Variants in SNTG2 observed in about 807,000 individuals in gnomAD.
The protein encoded by SNTG2 is gamma-2-syntrophin.
Under a neutral mutation model 70.9 loss-of-function variants are expected in SNTG2, and 74 were observed. The ratio of observed to expected loss-of-function variants is 1.04; its 90% confidence interval spans 0.86 to 1.27. The LOEUF (loss-of-function observed/expected upper bound fraction) is 1.27. Ranked by LOEUF, SNTG2 falls within the 50% of genes most tolerant of loss-of-function variation. The pLI is 0.00. For missense variants in SNTG2, 717 were observed against 690.7 expected (o/e 1.04, Z -0.43); for synonymous variants, 278 against 273.8 (o/e 1.02, Z -0.15).
At chr2:1,086,996 A>G (rs1440861009) in intron 2 of SNTG2, among the ~76,000 whole-genome samples, 2 of 152,274 alleles carry the variant, frequency 1.3e-5, no homozygotes, top group Non-Finnish European at 2.9e-5. Flanking sequence ...GCTGGGAAAC[A>G]TGGAGGGAAA....
At chr2:953,732 T>G (rs1660054871) in intron 1 of SNTG2, among the ~76,000 whole-genome samples, 2 of 152,224 alleles carry the variant, frequency 1.3e-5, no homozygotes, top group Non-Finnish European at 2.9e-5. Context: ...CAGTAAATAT[T>G]TGAATGAGGT....
chr2:1,050,324 C>G (rs1208482731), intron 1 of SNTG2, among the ~76,000 whole-genome samples: 1 of 152,070 alleles, frequency 6.6e-6, no homozygotes, highest in South Asian at 2.1e-4. Flanking sequence ...TATTGATTTA[C>G]CTTTTAAATT....
chr2:1,229,862 C>G (rs191268641), intron 9 of SNTG2, among the ~76,000 whole-genome samples: 1,942 of 152,326 alleles, frequency 0.013, 47 homozygotes, highest in African/African-American at 0.044. Context: ...CCTTATTGCC[C>G]GAGGCCGGCA....
intron 7 of SNTG2, among the ~76,000 whole-genome samples, chr2:1,169,828 C>T (rs1671005744): frequency 6.6e-6 from 1 of 152,184 alleles, no homozygotes; most frequent in Non-Finnish European, 1.5e-5. Context: ...GGGTGCAGAT[C>T]ACAGAGGCCA....
intron 6 of SNTG2, among the ~76,000 whole-genome samples, chr2:1,149,672 GTTTTTTTTTTTTTTTT>G (rs1221169268): frequency 6.8e-6 from 1 of 146,474 alleles, no homozygotes; most frequent in African/African-American, 2.6e-5. Context: ...GTTGATTAGC[GTTTTTTTTTTTTTTTT>G]TTTTTTTTTT....
chr2:1,114,237 GT>G (rs1223654470), intron 4 of SNTG2, among the ~76,000 whole-genome samples: 2 of 151,692 alleles, frequency 1.3e-5, no homozygotes, highest in Non-Finnish European at 2.9e-5. Context: ...ACTAAGTGAG[GT>G]TTAACCCTTA....
At chr2:1,288,860 C>A (rs1397606090) in intron 14 of SNTG2, among the ~76,000 whole-genome samples, 1 of 152,152 alleles carries the variant, frequency 6.6e-6, no homozygotes, top group Non-Finnish European at 1.5e-5. Flanking sequence ...CACACACATG[C>A]AGCCTTTCCC....
At chr2:1,080,606 CATGTGTGTTGCATGT>C (rs1336699048) in intron 1 of SNTG2, among the ~76,000 whole-genome samples, 22 of 145,734 alleles carry the variant, frequency 1.5e-4, no homozygotes, top group Non-Finnish European at 3.0e-5. Context: ...GCATGTAGGC[CATGTGTGTTGCATGT>C]GTGTGTGTGT....
intron 7 of SNTG2, among the ~76,000 whole-genome samples, chr2:1,171,457 G>A (rs997939177): frequency 2.0e-5 from 3 of 152,142 alleles, no homozygotes; most frequent in South Asian, 2.1e-4. Context: ...AGGTGATTAC[G>A]GGTATAAAAT....
In SNTG2 at chr2:1,130,040, C is replaced by T. The variant is rs371740467; in HGVS notation, c.326-7582C>T. Among the ~76,000 whole-genome samples the T allele has an allele frequency of 2.7e-4, 41 of 152,310 alleles. 1 individual carries two copies. The highest frequency in any genetic ancestry group is 9.6e-4 in the African/African-American group (40 of 41,588). ...ACAATAAGAGTTACAGGCAAAAGAACTCATTCATCTTACATTCTTGGCCAA... is the reference window on the plus strand; with the variant it reads ...ACAATAAGAGTTACAGGCAAAAGAATTCATTCATCTTACATTCTTGGCCAA... On this transcript the variant is annotated intron_variant, in intron 4 of 16. Transcript: ENST00000308624.
chr2:1,204,148 G>A (rs184370592), intron 8 of SNTG2, among the ~76,000 whole-genome samples: 2 of 152,260 alleles, frequency 1.3e-5, no homozygotes, highest in East Asian at 1.9e-4. Flanking sequence ...GCCTGCAAAC[G>A]GGCACAGAGG....
At chr2:1,071,236 G>C (rs1045829436) in intron 1 of SNTG2, among the ~76,000 whole-genome samples, 16 of 151,402 alleles carry the variant, frequency 1.1e-4, no homozygotes, top group African/African-American at 3.9e-4. Context: ...CAATAGCAAA[G>C]ACTTGGAACC....
intron 8 of SNTG2, among the ~76,000 whole-genome samples, chr2:1,181,275 G>A (rs28503903): frequency 0.32 from 47,919 of 151,994 alleles, 8,137 homozygotes; most frequent in East Asian, 0.66. Context: ...TGTGTTTTAT[G>A]GTACCTAGCA....
At chr2:1,358,430 TC>T (rs1234248100) in intron 16 of SNTG2, among the ~76,000 whole-genome samples, 3 of 152,134 alleles carry the variant, frequency 2.0e-5, no homozygotes, top group Non-Finnish European at 4.4e-5. Flanking sequence ...TTATCTAGTT[TC>T]TTAAGGCATA....
intron 16 of SNTG2, among the ~76,000 whole-genome samples, chr2:1,354,650 ACGTTTC>A (rs1558227478): frequency 2.1e-4 from 9 of 43,320 alleles, no homozygotes; most frequent in African/African-American, 7.3e-4. Flanking sequence ...TAAAGTGGGT[ACGTTTC>A]CATGGGGGAA....
At chr2:1,304,770 G>T (rs1680604483) in intron 14 of SNTG2, among the ~76,000 whole-genome samples, 2 of 151,108 alleles carry the variant, frequency 1.3e-5, no homozygotes, top group Non-Finnish European at 2.9e-5. Context: ...GTATTCTTAG[G>T]TTTTTTTCTT....
At chr2:1,219,763 G>A (rs558600856) in intron 9 of SNTG2, 1 of 152,178 alleles carries the variant, frequency 6.6e-6, no homozygotes, top group Admixed American at 6.5e-5. Context: ...TAAGTAGTAA[G>A]GGAGGAAGAG....
rs780702978 is a variant in SNTG2 at position 1,353,388 on chromosome 2, G to A, written c.1489-13955G>A. On this transcript the variant is annotated intron_variant, in intron 16 of 16. Transcript: ENST00000308624. The surrounding 1 kb of genome is among the most constrained non-coding windows in gnomAD (Gnocchi z 4.2). ...CACCGCAAGTGTGGAATTGAGTTCC[G>A]GGGTGTGGCTGTTCCTCGTGATTGT... 5.7e-4 allele frequency among the ~76,000 whole-genome samples: 87 copies of A among 152,290 alleles called. No homozygotes were observed. The highest frequency in any genetic ancestry group is 9.8e-4 in the Non-Finnish European group (67 of 68,034).
In SNTG2 at chr2:1,125,068, GTTATTA is replaced by G. The variant is rs758719545; in HGVS notation, c.326-12550_326-12545del. Among the ~76,000 whole-genome samples, 6 of 152,194 alleles carry G rather than the reference GTTATTA, an allele frequency of 3.9e-5. No individual in the cohort carries two copies. The South Asian group carries it at 8.3e-4, about 21-fold the overall frequency. On this transcript the variant is annotated intron_variant, in intron 4 of 16. Coordinates refer to ENST00000308624, the MANE Select transcript of SNTG2 (RefSeq NM_018968.4). ...TCTTTTTGTATGCCTTAGACATACT[GTTATTA>G]TTAATAGTAACAAAAATCTACTGGA... is the stretch of plus-strand genomic sequence containing the variant.
Sources: allele counts gnomAD v4.1 joint callset (sites outside exome capture counted in the v4.1 genomes callset), GRCh38; gene constraint gnomAD v4.1.1; non-coding constraint Gnocchi (gnomAD v3.1); transcripts MANE v1.5; gene names NCBI Gene and HGNC (gene_info 2026-07-23, HGNC 2026-07-21).